GRIK4: variants seen among roughly 807,000 people sequenced by gnomAD.
The protein encoded by GRIK4 is glutamate ionotropic receptor kainate type subunit 4.
Under a neutral mutation model 104.9 loss-of-function variants are expected in GRIK4, and 40 were observed. That is an observed-to-expected ratio of 0.38 (90% CI 0.30 to 0.50). The LOEUF is 0.50. Ranked by LOEUF, GRIK4 falls within the 20% of genes least tolerant of loss-of-function variation. The pLI is 0.93. For synonymous variants in GRIK4, 485 were observed against 524.9 expected (o/e 0.92, Z 1.04); for missense variants, 1,047 against 1,308.1 (o/e 0.80, Z 3.08).
At chr11:120,669,549 G>A (rs1034768663) in intron 3 of GRIK4, among the ~76,000 whole-genome samples, 2 of 152,098 alleles carry the variant, frequency 1.3e-5, no homozygotes, top group East Asian at 1.9e-4. Flanking sequence ...TTTCAGTCCC[G>A]GGCATTGATG....
intron 3 of GRIK4, among the ~76,000 whole-genome samples, chr11:120,708,907 G>A (rs1950675699): frequency 7.2e-6 from 1 of 139,424 alleles, no homozygotes; most frequent in Admixed American, 6.7e-5. Flanking sequence ...CCAGCAAGCC[G>A]GCTGGCTGCT....
At chr11:120,886,194 T>G (rs1000694442) in intron 11 of GRIK4, among the ~76,000 whole-genome samples, 1 of 152,248 alleles carries the variant, frequency 6.6e-6, no homozygotes, top group South Asian at 2.1e-4. Flanking sequence ...ATCACTGATG[T>G]GCACGTTCCC....
intron 1 of GRIK4, among the ~76,000 whole-genome samples, chr11:120,582,214 G>A (rs1379171319): frequency 2.0e-5 from 3 of 151,042 alleles, no homozygotes; most frequent in African/African-American, 7.3e-5. Context: ...AGATACCCAG[G>A]CCTGAAAAGT....
At chr11:120,790,177 A>G (rs879352827) in intron 3 of GRIK4, among the ~76,000 whole-genome samples, 1 of 152,146 alleles carries the variant, frequency 6.6e-6, no homozygotes, top group Admixed American at 6.5e-5. Flanking sequence ...CCTTCTCTGG[A>G]CACTTTGAAA....
intron 6 of GRIK4, among the ~76,000 whole-genome samples, chr11:120,826,859 C>T (rs1953277243): frequency 6.6e-6 from 1 of 152,226 alleles, no homozygotes; most frequent in South Asian, 2.1e-4. Flanking sequence ...GCCCCTTCCC[C>T]ACCTGGGGAC....
At chr11:120,963,909 C>T (rs146435038) in intron 18 of GRIK4, among the ~76,000 whole-genome samples, 193 of 152,178 alleles carry the variant, frequency 1.3e-3, no homozygotes, top group Non-Finnish European at 2.1e-3. Context: ...GTGTCTCACA[C>T]TGAGCCTACC....
chr11:120,573,358 G>T (rs1242462827), intron 1 of GRIK4, among the ~76,000 whole-genome samples: 1 of 152,176 alleles, frequency 6.6e-6, no homozygotes, highest in Non-Finnish European at 1.5e-5. Context: ...CAAGAGCTGG[G>T]CCATGATGAA....
intron 4 of GRIK4, among the ~76,000 whole-genome samples, chr11:120,805,602 G>A (rs1032125996): frequency 1.1e-4 from 16 of 152,152 alleles, no homozygotes; most frequent in Admixed American, 6.5e-5. Flanking sequence ...TTTGAGGTAC[G>A]ATTAGCATTT....
intron 12 of GRIK4, among the ~76,000 whole-genome samples, chr11:120,900,912 C>T (rs1055155197): frequency 1.3e-5 from 2 of 152,170 alleles, no homozygotes; most frequent in African/African-American, 4.8e-5. Flanking sequence ...CTGGCTGAGT[C>T]CACTTTGGGG....
In GRIK4 at chr11:120,982,234, C is replaced by T. The variant is rs1944664651; in HGVS notation, c.2514+10C>T. ...CTCAGAAGCAACTGAGGTAAACTTTCAAAGGGGTATGATCGATCGTGTTGG... is the reference window on the plus strand; with the variant it reads ...CTCAGAAGCAACTGAGGTAAACTTTTAAAGGGGTATGATCGATCGTGTTGG... On this transcript the variant is annotated intron_variant, in intron 20 of 20. Transcript: ENST00000527524. 2 of 1,403,318 alleles carry T rather than the reference C, an allele frequency of 1.4e-6. No individual in the cohort carries two copies. The highest frequency in any genetic ancestry group is 4.6e-5 in the East Asian group (2 of 43,950). The allele number at this position is 1,403,318 out of a possible 1,614,324, so 86.9% of individuals were successfully genotyped here. A position where few individuals can be genotyped will look rare whatever the true frequency, so the allele number is the denominator to read the frequency against.
chr11:120,644,711 G>C (rs1398567225), intron 1 of GRIK4, among the ~76,000 whole-genome samples: 1 of 152,170 alleles, frequency 6.6e-6, no homozygotes, highest in African/African-American at 2.4e-5. Flanking sequence ...CCAGTAGAAG[G>C]GGAGAAGGCG....
intron 3 of GRIK4, among the ~76,000 whole-genome samples, chr11:120,756,550 G>A (rs559652932): frequency 3.0e-4 from 46 of 152,314 alleles, no homozygotes; most frequent in African/African-American, 1.1e-3. Flanking sequence ...AGGTCCATGA[G>A]CCATACTGGA....
chr11:120,668,973 T>A (rs1279419971), intron 3 of GRIK4, among the ~76,000 whole-genome samples: 2 of 152,210 alleles, frequency 1.3e-5, no homozygotes, highest in Admixed American at 6.5e-5. Context: ...CTGTAATTGA[T>A]AATAGTACTA....
chr11:120,537,816 T>C (rs541559055), intron 1 of GRIK4, among the ~76,000 whole-genome samples: 311 of 151,986 alleles, frequency 2.0e-3, no homozygotes, highest in Middle Eastern at 3.4e-3. Context: ...TATGTTCTTC[T>C]GTGAACAGGT....
chr11:120,635,888 C>G (rs975229467), intron 1 of GRIK4, among the ~76,000 whole-genome samples: 3 of 152,220 alleles, frequency 2.0e-5, no homozygotes, highest in African/African-American at 7.2e-5. Flanking sequence ...TAGCCAGCAC[C>G]TGGGCTGTGA....
intron 14 of GRIK4, among the ~76,000 whole-genome samples, chr11:120,944,291 T>A (rs1316129273): frequency 1.3e-5 from 2 of 149,714 alleles, no homozygotes; most frequent in Admixed American, 1.3e-4. Context: ...TTCTACCAAC[T>A]CTCCCTGGAT....
At chr11:120,874,961 C>T (rs1954739597) in intron 10 of GRIK4, among the ~76,000 whole-genome samples, 178 bp from the exon 11 acceptor site, 1 of 152,324 alleles carries the variant, frequency 6.6e-6, no homozygotes, top group South Asian at 2.1e-4. Context: ...TCTGAATTGT[C>T]TCCACAGACA....
At chr11:120,949,442 CTATA>C (rs960511685) in intron 14 of GRIK4, among the ~76,000 whole-genome samples, 5 of 152,196 alleles carry the variant, frequency 3.3e-5, no homozygotes, top group African/African-American at 7.2e-5. Context: ...GGGGCATAGA[CTATA>C]TATAACCACC....
intron 3 of GRIK4, among the ~76,000 whole-genome samples, chr11:120,735,285 C>T (rs1227420464): frequency 6.6e-6 from 1 of 152,214 alleles, no homozygotes; most frequent in African/African-American, 2.4e-5. Context: ...CTCTTGCAGA[C>T]TCACAGAGTT....
Sources: allele counts gnomAD v4.1 joint callset (sites outside exome capture counted in the v4.1 genomes callset), GRCh38; gene constraint gnomAD v4.1.1; transcripts MANE v1.5; gene names NCBI Gene and HGNC (gene_info 2026-07-23, HGNC 2026-07-21).